ROBO1: variants seen among roughly 807,000 people sequenced by gnomAD.
ROBO1 encodes roundabout homolog 1.
In ROBO1, 149 loss-of-function variants were observed where a neutral mutation model predicts 195.9. The ratio of observed to expected loss-of-function variants is 0.76; its 90% CI spans 0.67 to 0.87. ROBO1 has a LOEUF of 0.87. ROBO1 is among the 40% of genes least tolerant of loss of function. The pLI is 0.00. For missense variants in ROBO1, 1,933 were observed against 2,068.3 expected (o/e 0.93, Z 1.27); for synonymous variants, 816 against 733.2 (o/e 1.11, Z -1.82).
chr3:78,695,197 A>C (rs957923448), intron 8 of ROBO1, among the ~76,000 whole-genome samples: 1 of 152,048 alleles, frequency 6.6e-6, no homozygotes, highest in Admixed American at 6.6e-5. Flanking sequence ...GCAGCACACC[A>C]TCATGGCACA....
chr3:79,351,201 GC>G lies in ROBO1; in HGVS notation c.89-225663del, dbSNP rs1276313546. ...AAATTATGACTAAATAAAAAATTTG[GC>G]TTTATAGTTTTATGTTGCTTCAGGC... On this transcript the variant is annotated intron_variant, in intron 2 of 30. Transcript: ENST00000464233. 3.3e-5 allele frequency among the ~76,000 whole-genome samples: 5 copies of G among 152,158 alleles called. No individual in the cohort carries two copies. In the South Asian group the frequency reaches 1.0e-3, roughly 32 times the overall value.
At position 79,697,011 on chromosome 3, in the gene ROBO1, G is replaced by T. The variant is rs183219329; in HGVS notation, c.-51+70741C>A. ...TCTGTGTAGAGAACCAGGGTATCTA[G>T]TGACAGAGACGTGCTACAAGTCGGA... On this transcript the variant is annotated intron_variant, in intron 1 of 30. Transcript: ENST00000464233. 9.2e-4 allele frequency among the ~76,000 whole-genome samples: 140 copies of T among 151,510 alleles called. 1 individual carries two copies. The highest frequency in any genetic ancestry group is 3.4e-3 in the Middle Eastern group (1 of 294).
In ROBO1 at chr3:78,606,991, G is replaced by C; in HGVS notation, c.4486C>G (p.Gln1496Glu). 6.2e-7 allele frequency: 1 copy of C among 1,613,758 alleles called. No individual in the cohort carries two copies. Among genetic ancestry groups the C allele is most frequent in the Non-Finnish European group, 8.5e-7 (1 of 1,179,846 alleles). Residue 1496 changes from glutamine (Q) to glutamate (E), a missense_variant, in exon 29 of 31, where the codon CAA becomes GAA. By Grantham distance (29) the Gln-to-Glu change is conservative. Around this residue, in one of 3 missense-constraint regions of ROBO1, gnomAD observed 1,737 missense variants for 1,882.5 expected, o/e 0.92. Transcript: ENST00000464233. Reference protein sequence around the residue: ...PPPAIKSPTAQSKTQLEVRPV... With the variant: ...PPPAIKSPTAESKTQLEVRPV... ...CGTACTTCCAGCTGTGTCTTGGATTGGGCAGTAGGTGACTTTATAGCAGGT... is the reference window on the plus strand; with the variant it reads ...CGTACTTCCAGCTGTGTCTTGGATTCGGCAGTAGGTGACTTTATAGCAGGT...
At chr3:79,300,070 G>C (rs2032823297) in intron 2 of ROBO1, among the ~76,000 whole-genome samples, 1 of 152,238 alleles carries the variant, frequency 6.6e-6, no homozygotes, top group African/African-American at 2.4e-5. Context: ...GCAGCCCTCA[G>C]CCCTCGCTCG....
At chr3:79,610,362 C>T (rs1303585031) in intron 1 of ROBO1, among the ~76,000 whole-genome samples, 1 of 97,498 alleles carries the variant, frequency 1.0e-5, no homozygotes, top group African/African-American at 2.8e-5. Flanking sequence ...AACGTGGGCT[C>T]CCTTTCTCTC....
chr3:79,695,520 A>C (rs962849200), intron 1 of ROBO1, among the ~76,000 whole-genome samples: 6 of 151,576 alleles, frequency 4.0e-5, no homozygotes, highest in Middle Eastern at 3.4e-3. Context: ...TCTTTCCTTT[A>C]CTTGATTAAA....
chr3:79,725,018 G>A (rs2107316844), intron 1 of ROBO1, among the ~76,000 whole-genome samples: 1 of 152,118 alleles, frequency 6.6e-6, no homozygotes, highest in African/African-American at 2.4e-5. Flanking sequence ...ATAGAAAGAT[G>A]ATTCTCTTTC....
intron 1 of ROBO1, among the ~76,000 whole-genome samples, chr3:79,699,956 C>G (rs1947565163): frequency 6.6e-6 from 1 of 151,590 alleles, no homozygotes; most frequent in Admixed American, 6.6e-5. Context: ...GAGCATAGTA[C>G]AAATAGTTTT....
At chr3:79,593,665 C>G (rs944070600) in intron 1 of ROBO1, among the ~76,000 whole-genome samples, 29 of 151,882 alleles carry the variant, frequency 1.9e-4, no homozygotes, top group Non-Finnish European at 3.2e-4. Context: ...GACTGGAGTA[C>G]AGTGGTGCTA....
chr3:79,464,240 T>A (rs1259118809), intron 2 of ROBO1, among the ~76,000 whole-genome samples: 1 of 152,184 alleles, frequency 6.6e-6, no homozygotes, highest in Non-Finnish European at 1.5e-5. Context: ...TGTGTAAAAG[T>A]TTTTTGTGTA....
intron 1 of ROBO1, among the ~76,000 whole-genome samples, chr3:79,619,465 T>G (rs1433219850): frequency 6.6e-6 from 1 of 152,082 alleles, no homozygotes; most frequent in Admixed American, 6.5e-5. Context: ...TCGATAATGG[T>G]TCTAAATGGC....
intron 4 of ROBO1, among the ~76,000 whole-genome samples, chr3:78,809,293 T>C (rs1402429444): frequency 6.6e-6 from 1 of 152,140 alleles, no homozygotes; most frequent in Non-Finnish European, 1.5e-5. Context: ...CACTATGAGA[T>C]GCCATCACAT....
At chr3:78,946,465 C>T (rs1053672891) in intron 3 of ROBO1, among the ~76,000 whole-genome samples, 1 of 152,120 alleles carries the variant, frequency 6.6e-6, no homozygotes, top group African/African-American at 2.4e-5. Context: ...TACAGACAAG[C>T]AAATGCTGAG....
rs762211761 is a variant in ROBO1, at chr3:78,717,670, T to C, written c.778+93A>G. 5.9e-5 allele frequency: 81 copies of C among 1,380,636 alleles called. 1 individual carries two copies. Among genetic ancestry groups the C allele is most frequent in the Middle Eastern group, 1.8e-4 (1 of 5,450 alleles). 85.5% of individuals were successfully genotyped at this position (1,380,636 alleles called of 1,614,324 possible). A position where few individuals can be genotyped will look rare whatever the true frequency, so the allele number is the denominator to read the frequency against. On this transcript the variant is annotated intron_variant, in intron 6 of 30. Coordinates refer to ENST00000464233, the MANE Select transcript of ROBO1 (RefSeq NM_002941.4). Reference sequence around the variant, plus strand: ...TTTCTACCCACCCCCTAAAAATATTTGGCTTAACAATTTTTCTTTCCCCCT... The same window carrying C: ...TTTCTACCCACCCCCTAAAAATATTCGGCTTAACAATTTTTCTTTCCCCCT...
chr3:79,750,286 G>A (rs1309410936), intron 1 of ROBO1, among the ~76,000 whole-genome samples: 1 of 152,230 alleles, frequency 6.6e-6, no homozygotes, highest in Admixed American at 6.5e-5. Context: ...TATCTAGGAA[G>A]TAACTAACTT....
chr3:78,837,270 G>C (rs1011967630), intron 4 of ROBO1, among the ~76,000 whole-genome samples: 1 of 152,078 alleles, frequency 6.6e-6, no homozygotes, highest in African/African-American at 2.4e-5. Flanking sequence ...AAAGGTATTG[G>C]TGGTTTTATT....
intron 4 of ROBO1, among the ~76,000 whole-genome samples, chr3:78,929,533 C>T (rs1190037813): frequency 7.3e-5 from 11 of 150,852 alleles, no homozygotes; most frequent in Middle Eastern, 3.4e-3. Flanking sequence ...GATGGAGTCT[C>T]GCTCTATTGC....
chr3:79,574,132 T>C (rs1018495363), intron 2 of ROBO1, among the ~76,000 whole-genome samples: 1 of 152,122 alleles, frequency 6.6e-6, no homozygotes, highest in African/African-American at 2.4e-5. Context: ...GTTGTTGTCA[T>C]ATAATCAATT....
chr3:79,747,566 C>T (rs544870411), intron 1 of ROBO1, among the ~76,000 whole-genome samples: 1 of 151,962 alleles, frequency 6.6e-6, no homozygotes, highest in African/African-American at 2.4e-5. Flanking sequence ...TAACAGAAAG[C>T]GGAGTTCCAG....
Sources: allele counts gnomAD v4.1 joint callset (sites outside exome capture counted in the v4.1 genomes callset), GRCh38; gene constraint gnomAD v4.1.1; regional missense constraint gnomAD v4.1.1; transcripts MANE v1.5; gene names NCBI Gene and HGNC (gene_info 2026-07-23, HGNC 2026-07-21).